CCDC102B: variants seen among roughly 807,000 people sequenced by gnomAD.
CCDC102B encodes the protein coiled-coil domain-containing protein 102B.
CCDC102B carries 75 observed loss-of-function variants against 57.4 expected under a neutral mutation model. The observed-to-expected ratio is 1.31, with a 90% CI of 1.08 to 1.58. The LOEUF (loss-of-function observed/expected upper bound fraction) is 1.58, where lower values mean the gene tolerates loss of function less well. CCDC102B is among the 40% of genes most tolerant of loss of function. The pLI is 0.00. For missense variants in CCDC102B, 636 were observed against 582.6 expected (o/e 1.09, Z -0.94); for synonymous variants, 206 against 201.9 (o/e 1.02, Z -0.17).
At chr18:68,871,104 T>C (rs2039222607) in intron 4 of CCDC102B, among the ~76,000 whole-genome samples, 2 of 152,150 alleles carry the variant, frequency 1.3e-5, no homozygotes, top group Admixed American at 1.3e-4. Flanking sequence ...AATTGCCTGG[T>C]TTAAATTTTC....
At chr18:68,920,281 C>A (rs1260683927) in intron 6 of CCDC102B, among the ~76,000 whole-genome samples, 1 of 152,110 alleles carries the variant, frequency 6.6e-6, no homozygotes, top group Non-Finnish European at 1.5e-5. Flanking sequence ...TATTACAGGG[C>A]TACAGTAACC....
chr18:68,870,031 G>C (rs2039172919), intron 4 of CCDC102B, among the ~76,000 whole-genome samples: 1 of 152,110 alleles, frequency 6.6e-6, no homozygotes, highest in African/African-American at 2.4e-5. Context: ...TCAGATGGTT[G>C]TAGATGTGTG....
chr18:68,786,863 TG>T (rs1426853601), intron 2 of CCDC102B, among the ~76,000 whole-genome samples: 1 of 152,172 alleles, frequency 6.6e-6, no homozygotes, highest in African/African-American at 2.4e-5. Flanking sequence ...TCCAACATTA[TG>T]TTGAATAGGA....
At chr18:68,781,855 G>T (rs1015500963) in intron 2 of CCDC102B, among the ~76,000 whole-genome samples, 3 of 152,024 alleles carry the variant, frequency 2.0e-5, no homozygotes, top group Non-Finnish European at 4.4e-5. Flanking sequence ...TTTAGTTAAA[G>T]TGAGAAAATG....
intron 3 of CCDC102B, among the ~76,000 whole-genome samples, chr18:68,841,804 C>G (rs2144802371): frequency 6.6e-6 from 1 of 152,252 alleles, no homozygotes; most frequent in East Asian, 1.9e-4. Flanking sequence ...GCAATGTAAG[C>G]TCACTGCAAT....
intron 4 of CCDC102B, among the ~76,000 whole-genome samples, chr18:68,856,534 A>G (rs2144855188): frequency 6.6e-6 from 1 of 152,254 alleles, no homozygotes; most frequent in African/African-American, 2.4e-5. Context: ...CCTGGCCTCT[A>G]GTGATCTTCC....
intron 4 of CCDC102B, among the ~76,000 whole-genome samples, chr18:68,850,852 C>G (rs943813644): frequency 1.3e-5 from 2 of 152,032 alleles, no homozygotes; most frequent in Non-Finnish European, 2.9e-5. Context: ...CTTTCCCCTC[C>G]TACACCAGCC....
intron 1 of CCDC102B, among the ~76,000 whole-genome samples, chr18:68,833,151 G>A (rs12607545): frequency 0.018 from 2,782 of 152,210 alleles, 70 homozygotes; most frequent in African/African-American, 0.05. Flanking sequence ...ATGAAAAGGT[G>A]GTAGCTCAGG....
chr18:68,976,502 T>C (rs1599780905), intron 6 of CCDC102B, among the ~76,000 whole-genome samples: 1 of 152,012 alleles, frequency 6.6e-6, no homozygotes, highest in East Asian at 1.9e-4. Flanking sequence ...GGTAGTTAGG[T>C]TATCTTTGCA....
At chr18:69,056,694 T>A (rs1383864595), downstream of CCDC102B, among the ~76,000 whole-genome samples, 1 of 149,822 alleles carries the variant, frequency 6.7e-6, no homozygotes. Context: ...GGATAGAGAT[T>A]GATAGATACA....
chr18:68,842,274 T>A (rs932521742), intron 3 of CCDC102B, among the ~76,000 whole-genome samples: 1 of 151,534 alleles, frequency 6.6e-6, no homozygotes, highest in Non-Finnish European at 1.5e-5. Flanking sequence ...TACATTGACA[T>A]GCAAATCTGG....
intron 7 of CCDC102B, among the ~76,000 whole-genome samples, chr18:69,040,560 A>G (rs1009781246): frequency 3.3e-5 from 5 of 152,014 alleles, no homozygotes; most frequent in South Asian, 4.2e-4. Flanking sequence ...TTCATTAACT[A>G]TCCTCTAGAG....
At chr18:68,766,420 C>T (rs1041238661) in intron 2 of CCDC102B, among the ~76,000 whole-genome samples, 36 of 152,028 alleles carry the variant, frequency 2.4e-4, no homozygotes, top group Middle Eastern at 3.2e-3. Context: ...CAAAAATTCC[C>T]GAGAAATGTG....
intron 6 of CCDC102B, among the ~76,000 whole-genome samples, chr18:68,966,762 A>G (rs902642034): frequency 2.6e-5 from 4 of 152,024 alleles, no homozygotes; most frequent in Non-Finnish European, 4.4e-5. Flanking sequence ...GGGTTTTTGG[A>G]GTAGTAGTCT....
intron 2 of CCDC102B, among the ~76,000 whole-genome samples, chr18:68,775,722 C>T (rs929941152): frequency 6.2e-5 from 9 of 144,400 alleles, no homozygotes; most frequent in Non-Finnish European, 7.4e-5. Context: ...GGCGTGACCT[C>T]GGCTCACTGC....
chr18:68,858,044 G>A (rs1273885133), intron 4 of CCDC102B, among the ~76,000 whole-genome samples: 2 of 152,130 alleles, frequency 1.3e-5, no homozygotes, highest in Non-Finnish European at 2.9e-5. Flanking sequence ...ACTGTCCTCA[G>A]AAAGATGTCT....
At chr18:68,866,024 A>G (rs959435850) in intron 4 of CCDC102B, among the ~76,000 whole-genome samples, 1 of 152,176 alleles carries the variant, frequency 6.6e-6, no homozygotes, top group African/African-American at 2.4e-5. Context: ...ATTTCATTCT[A>G]TCAGTAAGTA....
chr18:68,998,598 T>TC, intron 6 of CCDC102B, among the ~76,000 whole-genome samples: 1 of 151,502 alleles, frequency 6.6e-6, no homozygotes, highest in East Asian at 2.0e-4. Context: ...ACCCCCAAAG[T>TC]AGGGAAGCCA....
intron 6 of CCDC102B, among the ~76,000 whole-genome samples, chr18:68,920,215 T>C (rs2041227137): frequency 6.6e-6 from 1 of 152,090 alleles, no homozygotes; most frequent in African/African-American, 2.4e-5. Context: ...GAACATCCAG[T>C]GTTTGCTTTT....
Sources: gnomAD v4.1 joint callset for allele counts (sites outside exome capture counted in the v4.1 genomes callset) on GRCh38, gnomAD v4.1.1 for gene constraint, MANE v1.5 for transcripts, NCBI Gene and HGNC (gene_info 2026-07-23, HGNC 2026-07-21) for gene names.